Variants in KIAA1671 observed in about 807,000 individuals in gnomAD.
The protein encoded by KIAA1671 is KIAA1671, also known as uncharacterized protein KIAA1671.
KIAA1671 carries 52 observed loss-of-function variants against 131.2 expected under a neutral mutation model. The observed-to-expected ratio is 0.40, with a 90% CI of 0.32 to 0.50. The LOEUF is 0.50. KIAA1671 is among the 20% of genes least tolerant of loss of function. The pLI is 0.73. For missense variants in KIAA1671, 2,360 were observed against 2,364.2 expected (o/e 1.00, Z 0.04); for synonymous variants, 1,003 against 961.6 (o/e 1.04, Z -0.80).
intron 6 of KIAA1671, among the ~76,000 whole-genome samples, chr22:25,077,220 C>G (rs1201165741): frequency 6.6e-6 from 1 of 152,196 alleles, no homozygotes; most frequent in Non-Finnish European, 1.5e-5. Flanking sequence ...CCTGTCTCTA[C>G]TGGGTGTGTG....
intron 1 of KIAA1671, among the ~76,000 whole-genome samples, chr22:24,976,257 C>G (rs1922906559): frequency 6.6e-6 from 1 of 152,244 alleles, no homozygotes; most frequent in South Asian, 2.1e-4. Flanking sequence ...GATCCCAGCC[C>G]TAACAAGGCT....
At chr22:25,149,232 T>G (rs1932959751) in intron 6 of KIAA1671, among the ~76,000 whole-genome samples, 1 of 152,220 alleles carries the variant, frequency 6.6e-6, no homozygotes, top group Non-Finnish European at 1.5e-5. Flanking sequence ...TCTAGGTGCC[T>G]GGGAACCAGG....
intron 1 of KIAA1671, among the ~76,000 whole-genome samples, chr22:24,984,167 T>G (rs1320196712): frequency 6.6e-6 from 1 of 152,128 alleles, no homozygotes; most frequent in East Asian, 1.9e-4. Flanking sequence ...GTCACTTAAT[T>G]AGGAAGGGGC....
intron 1 of KIAA1671, among the ~76,000 whole-genome samples, chr22:24,966,740 C>A (rs1290492143): frequency 6.6e-6 from 1 of 152,072 alleles, no homozygotes; most frequent in Admixed American, 6.6e-5. Flanking sequence ...ATTGCTTGAG[C>A]CCAGGAGTTT....
At chr22:25,062,985 C>T (rs1928253996) in intron 6 of KIAA1671, 1 of 151,968 alleles carries the variant, frequency 6.6e-6, no homozygotes, top group South Asian at 2.1e-4. Context: ...ATGGGCTGGC[C>T]CCAGTTTGGG....
intron 1 of KIAA1671, among the ~76,000 whole-genome samples, chr22:25,003,977 G>A (rs998345202): frequency 2.7e-5 from 4 of 149,524 alleles, no homozygotes; most frequent in African/African-American, 7.4e-5. Flanking sequence ...GCCACCACAC[G>A]CAGCTAATTT....
intron 6 of KIAA1671, among the ~76,000 whole-genome samples, chr22:25,103,095 C>G (rs1226066802): frequency 2.0e-5 from 3 of 152,174 alleles, no homozygotes; most frequent in Non-Finnish European, 4.4e-5. Context: ...GGGGAACAAC[C>G]CAGGTAAGTG....
intron 6 of KIAA1671, among the ~76,000 whole-genome samples, chr22:25,074,514 A>AAAAAAAAAAAAAG (rs59411918): frequency 9.5e-4 from 111 of 117,392 alleles, no homozygotes; most frequent in Non-Finnish European, 1.3e-3. Context: ...AAAAAAAAAA[A>AAAAAAAAAAAAAG]AAAGAAAGAA....
intron 3 of KIAA1671, among the ~76,000 whole-genome samples, chr22:25,030,211 TTAA>T (rs1485058219): frequency 9.8e-5 from 15 of 152,312 alleles, no homozygotes; most frequent in Admixed American, 6.5e-4. Context: ...AGTCATTTGG[TTAA>T]TAATGATGTT....
At chr22:25,141,870 G>T (rs1437517953) in intron 6 of KIAA1671, among the ~76,000 whole-genome samples, 1 of 152,198 alleles carries the variant, frequency 6.6e-6, no homozygotes, top group Non-Finnish European at 1.5e-5. Flanking sequence ...CAGTAGATGT[G>T]ATTTGGAACC....
At chr22:25,048,956 G>A (rs1359006797) in intron 5 of KIAA1671, 2 of 413,724 alleles carry the variant, frequency 4.8e-6, no homozygotes, top group African/African-American at 4.0e-5. Context: ...GCTGGGTGCT[G>A]TCATCATGGG....
chr22:25,150,614 A>T, intron 6 of KIAA1671, among the ~76,000 whole-genome samples: 1 of 152,102 alleles, frequency 6.6e-6, no homozygotes, highest in East Asian at 1.9e-4. Flanking sequence ...CTTCCCTGGC[A>T]TGGTCTCATA....
chr22:25,028,488 G>A lies in KIAA1671; in HGVS notation c.489G>A (p.Gly163=), dbSNP rs1449480801. The A allele has an allele frequency of 1.3e-6, 2 of 1,549,492 alleles. No homozygotes were observed. Among genetic ancestry groups the A allele is most frequent in the Non-Finnish European group, 8.7e-7 (1 of 1,146,216 alleles). Residue 163 remains glycine (G), a synonymous_variant, in exon 3 of 13, where the codon GGG becomes GGA. Coordinates refer to ENST00000358431, the MANE Select transcript of KIAA1671 (RefSeq NM_001145206.2). ...CTCTGGGGAAGGCGGTTAGTGAGGG[G>A]GCGGAGGAGGCCAAGCTAGGTGTGT... is the stretch of plus-strand genomic sequence containing the variant. ...GPALGKAVSE[G]AEEAKLGVSG... is the part of the protein sequence containing the mutation.
intron 6 of KIAA1671, among the ~76,000 whole-genome samples, chr22:25,101,537 T>A (rs1386548909): frequency 1.3e-5 from 2 of 152,226 alleles, no homozygotes; most frequent in African/African-American, 2.4e-5. Flanking sequence ...GTTAAAGACA[T>A]CTTAGGTCAC....
rs913356027 is a variant in KIAA1671, at chr22:25,109,889, A to C, written c.4530+60525A>C. ...TCCCAGTACTTTGGGAGGCTGAGGC[A>C]GGTGGATCGCTTGAGTCTAGGAGTT... On this transcript the variant is annotated intron_variant, in intron 6 of 12. Transcript: ENST00000358431. The C allele has an allele frequency of 1.3e-5, 2 of 152,174 alleles. 1 individual carries two copies. Among genetic ancestry groups the C allele is most frequent in the Non-Finnish European group, 2.9e-5 (2 of 68,030 alleles). 9.4% of individuals were successfully genotyped at this position (152,174 alleles called of 1,614,324 possible).
At chr22:25,113,179 A>G (rs886187165) in intron 6 of KIAA1671, among the ~76,000 whole-genome samples, 3 of 152,154 alleles carry the variant, frequency 2.0e-5, no homozygotes, top group Admixed American at 6.5e-5. Flanking sequence ...CCAGAAAGCG[A>G]AAGTGCCTAC....
chr22:25,045,918 A>T (rs1367685350), intron 5 of KIAA1671, among the ~76,000 whole-genome samples: 3 of 151,872 alleles, frequency 2.0e-5, no homozygotes, highest in Non-Finnish European at 4.4e-5. Context: ...ATGGTTGCGA[A>T]GTATTGTATT....
At chr22:25,011,307 C>A (rs1925020956) in intron 1 of KIAA1671, 1 of 152,196 alleles carries the variant, frequency 6.6e-6, no homozygotes, top group African/African-American at 2.4e-5. Context: ...ACCACCACGC[C>A]CACCTGATTT....
intron 11 of KIAA1671, among the ~76,000 whole-genome samples, chr22:25,188,445 CGG>C (rs762186172): frequency 8.7e-5 from 10 of 114,872 alleles, no homozygotes; most frequent in Admixed American, 2.0e-4. Context: ...CAGAGCCAAT[CGG>C]GTGTGTGTGT....
Sources: allele counts gnomAD v4.1 joint callset (sites outside exome capture counted in the v4.1 genomes callset), GRCh38; gene constraint gnomAD v4.1.1; transcripts MANE v1.5; gene names NCBI Gene and HGNC (gene_info 2026-07-23, HGNC 2026-07-21).